The following PTN variants were observed in gnomAD, a reference collection of about 807,000 sequenced individuals.
PTN encodes pleiotrophin, also known as heparin affin regulatory protein.
PTN carries 18 observed loss-of-function variants against 24.1 expected under a neutral mutation model. The ratio of observed to expected loss-of-function variants is 0.75; its 90% CI spans 0.52 to 1.11. The LOEUF is 1.11. PTN is among the 50% of genes least tolerant of loss of function. PTN has a pLI of 0.00. For missense variants in PTN, 163 were observed against 198.8 expected (o/e 0.82, Z 1.08); for synonymous variants, 78 against 68.6 (o/e 1.14, Z -0.67).
At chr7:137,230,740 A>T (rs867190630) in intron 4 of PTN, among the ~76,000 whole-genome samples, 1 of 151,882 alleles carries the variant, frequency 6.6e-6, no homozygotes, top group Non-Finnish European at 1.5e-5. Context: ...TACCTAGTAT[A>T]CATGATGGGT....
chr7:137,287,880 T>G (rs960358058), intron 1 of PTN: 1 of 152,144 alleles, frequency 6.6e-6, no homozygotes, highest in African/African-American at 2.4e-5. Context: ...TTTAGTAATG[T>G]TTTTTCCAGA....
intron 1 of PTN, among the ~76,000 whole-genome samples, chr7:137,279,690 A>C (rs994796809): frequency 2.6e-5 from 4 of 152,214 alleles, no homozygotes; most frequent in Admixed American, 1.3e-4. Context: ...GTCATATACA[A>C]GGGTTACGTA....
chr7:137,270,610 T>C (rs189393344), intron 1 of PTN, among the ~76,000 whole-genome samples: 1 of 152,296 alleles, frequency 6.6e-6, no homozygotes, highest in Non-Finnish European at 1.5e-5. Context: ...TTCAAAAACT[T>C]TGTAAGAGTT....
At chr7:137,263,155 T>C (rs868682667) in intron 1 of PTN, among the ~76,000 whole-genome samples, 1 of 152,182 alleles carries the variant, frequency 6.6e-6, no homozygotes, top group Admixed American at 6.5e-5. Context: ...CTTTTTATCA[T>C]TTGAAGAAGT....
intron 1 of PTN, among the ~76,000 whole-genome samples, chr7:137,304,215 C>T (rs1809850870): frequency 6.6e-6 from 1 of 151,898 alleles, no homozygotes. Context: ...CTTCTCTTTG[C>T]TTTGAGCCTC....
intron 1 of PTN, among the ~76,000 whole-genome samples, chr7:137,281,063 G>C (rs1809465933): frequency 1.3e-5 from 2 of 151,992 alleles, no homozygotes; most frequent in African/African-American, 4.8e-5. Context: ...ATTCATTTAA[G>C]ATAACATTGG....
chr7:137,268,123 TC>T (rs1343007216), intron 1 of PTN, among the ~76,000 whole-genome samples: 1 of 152,020 alleles, frequency 6.6e-6, no homozygotes, highest in African/African-American at 2.4e-5. Flanking sequence ...GCCAGTTCCT[TC>T]CCGGTGTTCA....
chr7:137,316,942 G>A (rs1810083070), intron 1 of PTN, among the ~76,000 whole-genome samples: 1 of 152,130 alleles, frequency 6.6e-6, no homozygotes, highest in Non-Finnish European at 1.5e-5. Context: ...AGGCCCCTTA[G>A]TGGAACTGCT....
intron 1 of PTN, among the ~76,000 whole-genome samples, chr7:137,294,288 T>C (rs182613460): frequency 6.6e-6 from 1 of 152,230 alleles, no homozygotes; most frequent in Admixed American, 6.5e-5. Context: ...TGATGGCCCA[T>C]GAAGTGCCCT....
At chr7:137,268,719 A>G (rs1205467166) in intron 1 of PTN, among the ~76,000 whole-genome samples, 1 of 152,172 alleles carries the variant, frequency 6.6e-6, no homozygotes, top group Non-Finnish European at 1.5e-5. Flanking sequence ...GCCTGGTTTC[A>G]GATCTGGTTC....
intron 1 of PTN, among the ~76,000 whole-genome samples, chr7:137,303,586 T>G (rs959648009): frequency 3.4e-4 from 52 of 152,128 alleles, no homozygotes; most frequent in African/African-American, 1.1e-3. Flanking sequence ...TGTAGATGTC[T>G]GTGTTATTGG....
intron 1 of PTN, among the ~76,000 whole-genome samples, chr7:137,306,069 C>A (rs1809883306): frequency 6.6e-6 from 1 of 152,076 alleles, no homozygotes; most frequent in African/African-American, 2.4e-5. Context: ...GGATTCAACT[C>A]ATTTTGGGCC....
Position 137,227,467 on chromosome 7 carries a change from T to TA in PTN, c.*552dup, listed in dbSNP as rs35754880. ...AATTTTATGTCTTAATGCTTTTCTTTAAAAAAAAAAAAAGTCAACATTGAA... is the reference window on the plus strand; with the variant it reads ...AATTTTATGTCTTAATGCTTTTCTTTAAAAAAAAAAAAAAGTCAACATTGAA... On this transcript the variant is annotated 3_prime_UTR_variant, in exon 5 of 5. Coordinates refer to ENST00000348225, the MANE Select transcript of PTN (RefSeq NM_002825.7). 6.9e-3 allele frequency: 1,008 copies of TA among 145,096 alleles called. 8 individuals are homozygous for TA. Among genetic ancestry groups the TA allele is most frequent in the African/African-American group, 0.021 (855 of 39,942 alleles). The allele number at this position is 145,096 out of a possible 1,614,324, so 9.0% of individuals were successfully genotyped here. A position where few individuals can be genotyped will look rare whatever the true frequency, so the allele number is the denominator to read the frequency against.
chr7:137,257,531 C>T (rs779241477), intron 1 of PTN, among the ~76,000 whole-genome samples: 3 of 152,182 alleles, frequency 2.0e-5, no homozygotes, highest in Non-Finnish European at 2.9e-5. Context: ...ACTCAAATGT[C>T]ATTTAAAATT....
At chr7:137,342,755 TTTAAGGGTCTATG>T in intron 1 of PTN, among the ~76,000 whole-genome samples, 1 of 152,180 alleles carries the variant, frequency 6.6e-6, no homozygotes, top group South Asian at 2.1e-4. Context: ...AAATTAAAAG[TTTAAGGGTCTATG>T]TACTGGGCAG....
chr7:137,257,174 T>A (rs559291352), intron 1 of PTN, among the ~76,000 whole-genome samples: 1 of 152,360 alleles, frequency 6.6e-6, no homozygotes, highest in East Asian at 1.9e-4. Flanking sequence ...ATTTTTTCCC[T>A]GAATCACAAG....
At chr7:137,338,158 G>A (rs542877741) in intron 1 of PTN, among the ~76,000 whole-genome samples, 7 of 151,972 alleles carry the variant, frequency 4.6e-5, no homozygotes, top group Non-Finnish European at 7.4e-5. Flanking sequence ...TTCAATTTCC[G>A]ACTCAAGATT....
At chr7:137,301,828 A>T (rs988017967) in intron 1 of PTN, among the ~76,000 whole-genome samples, 1 of 152,092 alleles carries the variant, frequency 6.6e-6, no homozygotes, top group Admixed American at 6.6e-5. Context: ...AAATTTTTAA[A>T]AGTATCTTGG....
At chr7:137,284,796 A>G (rs1236454972) in intron 1 of PTN, among the ~76,000 whole-genome samples, 1 of 152,218 alleles carries the variant, frequency 6.6e-6, no homozygotes, top group Non-Finnish European at 1.5e-5. Flanking sequence ...AATAATTAGA[A>G]TAAAAACATC....
Sources: gnomAD v4.1 joint callset for allele counts (sites outside exome capture counted in the v4.1 genomes callset) on GRCh38, gnomAD v4.1.1 for gene constraint, MANE v1.5 for transcripts, NCBI Gene and HGNC (gene_info 2026-07-23, HGNC 2026-07-21) for gene names.